Variants in STXBP5L observed in about 807,000 individuals in gnomAD.
STXBP5L encodes syntaxin binding protein 5L, also known as syntaxin-binding protein 5-like.
Under a neutral mutation model 144.5 loss-of-function variants are expected in STXBP5L, and 65 were observed. The ratio of observed to expected loss-of-function variants is 0.45; its 90% CI spans 0.37 to 0.55. The LOEUF is 0.55. Among genes scored for constraint, STXBP5L ranks in the 20% least tolerant of loss-of-function variants. The pLI, the probability that STXBP5L is intolerant of heterozygous loss-of-function variation, is 0.00. For synonymous variants in STXBP5L, 505 were observed against 469.6 expected (o/e 1.08, Z -0.97); for missense variants, 1,298 against 1,405.5 (o/e 0.92, Z 1.22).
chr3:120,972,861 G>A (rs1007518433), intron 3 of STXBP5L, among the ~76,000 whole-genome samples: 2 of 151,998 alleles, frequency 1.3e-5, no homozygotes, highest in African/African-American at 2.4e-5. Context: ...AGTTTATGTG[G>A]TGAATCAAAT....
intron 20 of STXBP5L, among the ~76,000 whole-genome samples, chr3:121,362,701 C>T (rs2045747266): frequency 6.6e-6 from 1 of 152,078 alleles, no homozygotes; most frequent in African/African-American, 2.4e-5. Flanking sequence ...TCAGGGACCC[C>T]AAGAGCCTGC....
chr3:121,319,879 G>A lies in STXBP5L; in HGVS notation c.2176+1339G>A, dbSNP rs540063246. On this transcript the variant is annotated intron_variant, in intron 20 of 26. Coordinates refer to ENST00000471454, the MANE Select transcript of STXBP5L (RefSeq NM_001308330.2). ...TGCCTGTAATCCCAGCACTTTGGGAGGCCAAGGGGGGAGGATCACTTGAGG... is the reference window on the plus strand; with the variant it reads ...TGCCTGTAATCCCAGCACTTTGGGAAGCCAAGGGGGGAGGATCACTTGAGG... Among the ~76,000 whole-genome samples the A allele has an allele frequency of 2.0e-5, 3 of 152,278 alleles. No homozygotes were observed. The South Asian group carries it at 6.2e-4, about 32-fold the overall frequency.
At chr3:121,024,999 G>GT (rs916262165) in intron 3 of STXBP5L, among the ~76,000 whole-genome samples, 1 of 152,018 alleles carries the variant, frequency 6.6e-6, no homozygotes. Flanking sequence ...TTAAATTGAG[G>GT]TCTCCAAAAC....
At chr3:121,132,584 G>T (rs1286169371) in intron 7 of STXBP5L, among the ~76,000 whole-genome samples, 1 of 152,182 alleles carries the variant, frequency 6.6e-6, no homozygotes, top group Non-Finnish European at 1.5e-5. Flanking sequence ...TGCCTAAAGT[G>T]CAGAAAGCAA....
At chr3:121,294,811 G>T (rs1451834229) in intron 19 of STXBP5L, among the ~76,000 whole-genome samples, 1 of 152,098 alleles carries the variant, frequency 6.6e-6, no homozygotes, top group African/African-American at 2.4e-5. Flanking sequence ...AAAACCTGGG[G>T]AATGTTTCAA....
At position 121,238,888 on chromosome 3, in the gene STXBP5L, A is replaced by G. The variant is rs181412580; in HGVS notation, c.1185-83A>G. ...GCAAAATTTATAGTGATGTTTAGAG[A>G]CATTTTAGGGCTTACTTTATCAAAA... On this transcript the variant is annotated intron_variant, in intron 12 of 26. Transcript: ENST00000471454. 2.8e-4 allele frequency: 369 copies of G among 1,308,220 alleles called. 2 individuals are homozygous for G. The East Asian group carries it at 9.6e-3, about 34-fold the overall frequency. 81.0% of individuals were successfully genotyped at this position (1,308,220 alleles called of 1,614,324 possible).
chr3:121,080,491 T>C (rs1006149903), intron 5 of STXBP5L, among the ~76,000 whole-genome samples: 2 of 152,208 alleles, frequency 1.3e-5, no homozygotes, highest in African/African-American at 4.8e-5. Flanking sequence ...TTTAGAACTT[T>C]AGAATTTCTT....
At chr3:121,276,705 T>A (rs975621038) in intron 18 of STXBP5L, among the ~76,000 whole-genome samples, 17 of 151,958 alleles carry the variant, frequency 1.1e-4, no homozygotes, top group Non-Finnish European at 1.8e-4. Context: ...CTAATTTTTT[T>A]AATGATTTTA....
At chr3:120,917,465 T>G (rs75699141) in intron 2 of STXBP5L, among the ~76,000 whole-genome samples, 178 of 152,200 alleles carry the variant, frequency 1.2e-3, no homozygotes, top group African/African-American at 4.2e-3. Context: ...ATGCAATTAA[T>G]CCACAGAAAA....
At chr3:120,979,086 A>G (rs553842385) in intron 3 of STXBP5L, among the ~76,000 whole-genome samples, 4 of 152,328 alleles carry the variant, frequency 2.6e-5, no homozygotes, top group Non-Finnish European at 4.4e-5. Flanking sequence ...GCTGTCAGAC[A>G]GGGACATTTA....
At position 120,912,072 on chromosome 3, in the gene STXBP5L, T is replaced by A. The variant is rs562724897; in HGVS notation, c.189+2305T>A. Among the ~76,000 whole-genome samples the A allele has an allele frequency of 7.9e-5, 12 of 152,150 alleles. No individual in the cohort carries two copies. In the South Asian group the frequency reaches 2.3e-3, roughly 29 times the overall value. On this transcript the variant is annotated intron_variant, in intron 2 of 26. Coordinates refer to ENST00000471454, the MANE Select transcript of STXBP5L (RefSeq NM_001308330.2). ...CTCCTCTCTTCTATCTGATTAGTCA[T>A]CACATCCCCTCTATTCTATTTCCTT...
chr3:121,004,497 C>G (rs1028209246), intron 3 of STXBP5L, among the ~76,000 whole-genome samples: 1 of 151,716 alleles, frequency 6.6e-6, no homozygotes, highest in African/African-American at 2.4e-5. Context: ...CGTCTGCAAA[C>G]AGGGACAATT....
intron 22 of STXBP5L, 74 bp from the exon 23 acceptor site, chr3:121,407,169 A>T: frequency 6.7e-7 from 1 of 1,493,070 alleles, no homozygotes; most frequent in Non-Finnish European, 8.9e-7. Context: ...AATTATCACA[A>T]TGTAAAACTT....
At chr3:121,196,711 G>A (rs2047933530) in intron 9 of STXBP5L, among the ~76,000 whole-genome samples, 1 of 152,000 alleles carries the variant, frequency 6.6e-6, no homozygotes, top group Non-Finnish European at 1.5e-5. Flanking sequence ...CACGCAGGCA[G>A]GAGTGCAGTG....
intron 3 of STXBP5L, among the ~76,000 whole-genome samples, chr3:121,039,811 T>G (rs1479129288): frequency 6.6e-6 from 1 of 152,046 alleles, no homozygotes; most frequent in Non-Finnish European, 1.5e-5. Context: ...CACAGTTCAA[T>G]GGTGTGCTGT....
At chr3:121,169,883 C>T (rs889066544) in intron 9 of STXBP5L, among the ~76,000 whole-genome samples, 10 of 152,200 alleles carry the variant, frequency 6.6e-5, no homozygotes, top group Non-Finnish European at 1.3e-4. Flanking sequence ...CCCAAATCAA[C>T]AGAATATACA....
intron 19 of STXBP5L, among the ~76,000 whole-genome samples, chr3:121,317,538 A>G (rs1270543902): frequency 6.6e-6 from 1 of 152,194 alleles, no homozygotes; most frequent in Non-Finnish European, 1.5e-5. Flanking sequence ...AACAAAGATT[A>G]TTTTGGTCAT....
At chr3:121,022,640 T>C (rs868307935) in intron 3 of STXBP5L, among the ~76,000 whole-genome samples, 5 of 151,980 alleles carry the variant, frequency 3.3e-5, no homozygotes, top group Middle Eastern at 3.2e-3. Context: ...ACCACATAAA[T>C]AGGATTAAAA....
intron 7 of STXBP5L, among the ~76,000 whole-genome samples, chr3:121,143,711 A>G (rs889063850): frequency 4.6e-5 from 7 of 151,884 alleles, no homozygotes; most frequent in African/African-American, 1.7e-4. Flanking sequence ...TAGAAAGGAT[A>G]ATATTTTAAA....
Sources: allele counts gnomAD v4.1 joint callset (sites outside exome capture counted in the v4.1 genomes callset), GRCh38; gene constraint gnomAD v4.1.1; transcripts MANE v1.5; gene names NCBI Gene and HGNC (gene_info 2026-07-23, HGNC 2026-07-21).